APOD: variants seen among roughly 807,000 people sequenced by gnomAD.
The protein encoded by APOD is apolipoprotein D, also known as apo-D.
Under a neutral mutation model 20.4 loss-of-function variants are expected in APOD, and 22 were observed. That is an observed-to-expected ratio of 1.08 (90% CI 0.77 to 1.54). The LOEUF (loss-of-function observed/expected upper bound fraction) is 1.54. APOD is among the 40% of genes most tolerant of loss of function. The pLI is 0.00. For missense variants in APOD, 223 were observed against 229.6 expected (o/e 0.97, Z 0.19); for synonymous variants, 97 against 92.4 (o/e 1.05, Z -0.29).
intron 1 of APOD, among the ~76,000 whole-genome samples, chr3:195,581,236 G>A (rs542665408): frequency 1.3e-5 from 2 of 152,216 alleles, no homozygotes; most frequent in Admixed American, 6.5e-5. Flanking sequence ...TGGTTGCTGA[G>A]GCCCCTTTGA....
At chr3:195,572,404 A>G (rs1224926461) in intron 3 of APOD, among the ~76,000 whole-genome samples, 1 of 152,382 alleles carries the variant, frequency 6.6e-6, no homozygotes, top group Non-Finnish European at 1.5e-5. Flanking sequence ...CTCACAATTG[A>G]TGTCACCTGA....
At chr3:195,571,238 T>C (rs1281599442) in intron 4 of APOD, 39 bp downstream of exon 4, 3 of 1,577,732 alleles carry the variant, frequency 1.9e-6, no homozygotes, top group Non-Finnish European at 2.6e-6. Context: ...TTTGCATATT[T>C]CCTGTCCCTG....
intron 1 of APOD, among the ~76,000 whole-genome samples, chr3:195,581,300 G>A (rs6766692): frequency 0.4 from 61,057 of 151,914 alleles, 12,719 homozygotes; most frequent in African/African-American, 0.49. Flanking sequence ...GTTTCTCATC[G>A]GCTCCACCAC....
chr3:195,572,074 C>A (rs1483093826), intron 3 of APOD, among the ~76,000 whole-genome samples: 1 of 152,252 alleles, frequency 6.6e-6, no homozygotes, highest in African/African-American at 2.4e-5. Flanking sequence ...AGCCGCCGTG[C>A]CTGGCAGATT....
intron 3 of APOD, among the ~76,000 whole-genome samples, chr3:195,572,451 A>G (rs1460744414): frequency 2.0e-5 from 3 of 152,226 alleles, no homozygotes; most frequent in Non-Finnish European, 4.4e-5. Flanking sequence ...GTGGCATATA[A>G]CGCAGTGGTG....
intron 2 of APOD, 130 bp from the exon 3 acceptor site, chr3:195,574,101 G>T (rs1282275576): frequency 1.6e-6 from 2 of 1,257,840 alleles, no homozygotes; most frequent in Admixed American, 5.0e-5. Flanking sequence ...GTTCCCAGTG[G>T]CAACTGGGCA....
At chr3:195,582,940 A>T (rs1220571994) in intron 1 of APOD, 1 of 152,240 alleles carries the variant, frequency 6.6e-6, no homozygotes, top group South Asian at 2.1e-4. Context: ...CTCAAAAAAA[A>T]AAAAAAAGAA....
At chr3:195,580,234 T>A (rs1366768576) in intron 1 of APOD, among the ~76,000 whole-genome samples, 1 of 152,238 alleles carries the variant, frequency 6.6e-6, no homozygotes, top group Non-Finnish European at 1.5e-5. Flanking sequence ...TGAGATAATA[T>A]ACAGAGAGTA....
At position 195,568,837 on chromosome 3, in the gene APOD, G is replaced by GGTGT. The variant is rs142189206; in HGVS notation, c.*62_*63insACAC. ...GTTGATTGGTTTGTCTTTATGGGGG[G>GGTGT]GGGGTAGGGGAAAGCGAAGCAGAAG... On this transcript the variant is annotated 3_prime_UTR_variant, in exon 5 of 5. Coordinates refer to ENST00000343267, the MANE Select transcript of APOD (RefSeq NM_001647.4). 13 of 982,922 alleles carry GGTGT rather than the reference G, an allele frequency of 1.3e-5. No homozygotes were observed. The highest frequency in any genetic ancestry group is 1.9e-5 in the Non-Finnish European group (12 of 647,802). The allele number at this position is 982,922 out of a possible 1,614,324, so 60.9% of individuals were successfully genotyped here.
intron 2 of APOD, 57 bp downstream of exon 2, chr3:195,579,282 T>G: frequency 1.2e-6 from 2 of 1,607,308 alleles, no homozygotes; most frequent in South Asian, 1.1e-5. Flanking sequence ...CATTGAACCT[T>G]GTAGAACGCT....
At chr3:195,572,779 A>AG (rs5855632) in intron 3 of APOD, among the ~76,000 whole-genome samples, 8,569 of 152,026 alleles carry the variant, frequency 0.056, 309 homozygotes, top group African/African-American at 0.081. Flanking sequence ...TGGGAGGCCA[A>AG]GGGGGGGCGG....
At chr3:195,575,761 G>A (rs922273519) in intron 2 of APOD, among the ~76,000 whole-genome samples, 3 of 152,102 alleles carry the variant, frequency 2.0e-5, no homozygotes, top group Admixed American at 6.5e-5. Flanking sequence ...CCGAGTAGCT[G>A]GGATTACAGG....
intron 4 of APOD, among the ~76,000 whole-genome samples, chr3:195,569,771 G>T (rs1336292012): frequency 7.1e-6 from 1 of 140,662 alleles, no homozygotes; most frequent in Non-Finnish European, 1.5e-5. Context: ...CTTTATTCAG[G>T]CCTTCTTCTT....
At chr3:195,576,158 G>T (rs542041227) in intron 2 of APOD, among the ~76,000 whole-genome samples, 2 of 152,264 alleles carry the variant, frequency 1.3e-5, no homozygotes, top group African/African-American at 4.8e-5. Context: ...AGGTTAACTG[G>T]TTTCATAGAC....
intron 3 of APOD, among the ~76,000 whole-genome samples, chr3:195,571,582 G>A (rs1318223790): frequency 6.6e-6 from 1 of 152,018 alleles, no homozygotes; most frequent in Non-Finnish European, 1.5e-5. Context: ...GGCCAAGCAG[G>A]GGAAGAGAGC....
At chr3:195,583,266 C>A (rs1321414753) in intron 1 of APOD, 1 of 152,208 alleles carries the variant, frequency 6.6e-6, no homozygotes, top group African/African-American at 2.4e-5. Context: ...AGGTCTCCCA[C>A]AAGCCCGCGC....
chr3:195,576,703 G>A (rs1244201039), intron 2 of APOD, among the ~76,000 whole-genome samples: 1 of 151,754 alleles, frequency 6.6e-6, no homozygotes, highest in Non-Finnish European at 1.5e-5. Flanking sequence ...CCAGCTACTC[G>A]GGAGGCTGAG....
chr3:195,572,871 A>AG (rs1720189516), intron 3 of APOD, among the ~76,000 whole-genome samples: 1 of 151,946 alleles, frequency 6.6e-6, no homozygotes, highest in Admixed American at 6.6e-5. Flanking sequence ...AAAAAAAAAA[A>AG]GAAAGTCAGT....
At chr3:195,575,084 G>C (rs927522485) in intron 2 of APOD, among the ~76,000 whole-genome samples, 2 of 152,248 alleles carry the variant, frequency 1.3e-5, no homozygotes, top group Admixed American at 1.3e-4. Flanking sequence ...CCCTCTGGGA[G>C]CTCTAGGGGA....
Sources: gnomAD v4.1 joint callset for allele counts (sites outside exome capture counted in the v4.1 genomes callset) on GRCh38, gnomAD v4.1.1 for gene constraint, MANE v1.5 for transcripts, NCBI Gene and HGNC (gene_info 2026-07-23, HGNC 2026-07-21) for gene names.